The following PLEKHA1 variants were observed in gnomAD, a reference collection of about 807,000 sequenced individuals.
PLEKHA1 encodes the protein pleckstrin homology domain-containing family A member 1.
A neutral mutation model predicts 52.0 loss-of-function variants in PLEKHA1; 34 were observed. The observed-to-expected ratio is 0.65, with a 90% CI of 0.50 to 0.87. The LOEUF is 0.87. PLEKHA1 is among the 40% of genes least tolerant of loss of function. The pLI is 0.00. For missense variants in PLEKHA1, 497 were observed against 504.2 expected (o/e 0.99, Z 0.14); for synonymous variants, 163 against 170.7 (o/e 0.95, Z 0.35).
chr10:122,390,321 A>C (rs2096758636), intron 1 of PLEKHA1, among the ~76,000 whole-genome samples: 1 of 152,226 alleles, frequency 6.6e-6, no homozygotes, highest in African/African-American at 2.4e-5. Flanking sequence ...TGTTTCACTT[A>C]CCATTCTTGT....
chr10:122,436,973 G>A (rs2097440278), downstream of PLEKHA1: 1 of 144,722 alleles, frequency 6.9e-6, no homozygotes, highest in Admixed American at 6.9e-5. Context: ...AACTTTCCAT[G>A]GTCAGGAACT....
At chr10:122,400,453 A>G in intron 4 of PLEKHA1, 65 bp downstream of exon 4, 1 of 1,446,966 alleles carries the variant, frequency 6.9e-7, no homozygotes, top group Non-Finnish European at 9.4e-7. Flanking sequence ...GTAAAAGAAA[A>G]CTGTTGCAGA....
chr10:122,412,422 A>C (rs1590734033), intron 5 of PLEKHA1: 1 of 152,884 alleles, frequency 6.5e-6, no homozygotes, highest in East Asian at 1.9e-4. Context: ...GAAAGACTGA[A>C]TATGCCACAA....
the PLEKHA1 span, chr10:122,439,357 T>G: frequency 3.3e-5 from 5 of 152,262 alleles, no homozygotes; most frequent in East Asian, 7.7e-4. Flanking sequence ...TTTTGTGGTG[T>G]TTTACTAGCT....
chr10:122,437,763 C>G, the PLEKHA1 span: 2 of 152,444 alleles, frequency 1.3e-5, no homozygotes, highest in Non-Finnish European at 2.9e-5. Flanking sequence ...TCAAATTCTG[C>G]TCGCAGGTCA....
chr10:122,428,453 C>T, intron 11 of PLEKHA1: 1 of 1,379,708 alleles, frequency 7.2e-7, no homozygotes, highest in Non-Finnish European at 9.4e-7. Flanking sequence ...TTGCAGTTAT[C>T]ATAACTGATT....
At chr10:122,378,046 C>G (rs2096562220) in intron 1 of PLEKHA1, among the ~76,000 whole-genome samples, 1 of 152,044 alleles carries the variant, frequency 6.6e-6, no homozygotes, top group Non-Finnish European at 1.5e-5. Context: ...GGTTTTTAGC[C>G]CTTTAGGCAG....
At chr10:122,433,192 A>T (rs1181229087), downstream of PLEKHA1, 3 of 152,134 alleles carry the variant, frequency 2.0e-5, no homozygotes, top group Non-Finnish European at 4.4e-5. Flanking sequence ...GGACTACCCT[A>T]TTCCTGTCAT....
At chr10:122,383,324 T>TC (rs1565121475) in intron 1 of PLEKHA1, among the ~76,000 whole-genome samples, 6 of 135,690 alleles carry the variant, frequency 4.4e-5, no homozygotes, top group Non-Finnish European at 1.0e-4. Context: ...TTTTTTTTTT[T>TC]TCTTTTTTTT....
At chr10:122,391,177 G>A (rs181773658) in intron 1 of PLEKHA1, among the ~76,000 whole-genome samples, 499 of 151,306 alleles carry the variant, frequency 3.3e-3, no homozygotes, top group Non-Finnish European at 5.6e-3. Context: ...ATGTATTCTG[G>A]ATACTAGATC....
chr10:122,417,980 C>A lies in PLEKHA1; in HGVS notation c.681+12C>A, dbSNP rs760947533. 1.9e-6 allele frequency: 3 copies of A among 1,590,628 alleles called. No homozygotes were observed. Among genetic ancestry groups the A allele is most frequent in the Non-Finnish European group, 1.7e-6 (2 of 1,159,658 alleles). On this transcript the variant is annotated intron_variant, in intron 8 of 11. Transcript: ENST00000368990. ...TCAAATCTGAACTGGTATGTTGTTA[C>A]GTCATAAATGTTGCTATAAGAATGT...
At chr10:122,376,526 A>G (rs1775870893) in intron 1 of PLEKHA1, among the ~76,000 whole-genome samples, 1 of 124,628 alleles carries the variant, frequency 8.0e-6, no homozygotes, top group Non-Finnish European at 1.7e-5. Context: ...ATATATATAT[A>G]TATATATAAT....
rs770115815 is a variant in PLEKHA1, at chr10:122,400,325, C to A, written c.199-18C>A. The A allele has an allele frequency of 3.1e-6, 5 of 1,591,666 alleles. No individual in the cohort carries two copies. The highest frequency in any genetic ancestry group is 1.2e-5 in the South Asian group (1 of 86,174). ...TTATATGGAGAAGTGAGGAACCCGT[C>A]TCTATTTTTCTTTTTAGGTTAGCGA... On this transcript the variant is annotated intron_variant, in intron 3 of 11. Coordinates refer to ENST00000368990, the MANE Select transcript of PLEKHA1 (RefSeq NM_001001974.4).
In PLEKHA1 at chr10:122,429,950, A is replaced by C; in HGVS notation, c.*12A>C. ...TCAGTGACGTGTGAGGCAGAAGCGCACGGAGCCTGCCTGCCTCTGCCGTCC... is the reference window on the plus strand; with the variant it reads ...TCAGTGACGTGTGAGGCAGAAGCGCCCGGAGCCTGCCTGCCTCTGCCGTCC... On this transcript the variant is annotated 3_prime_UTR_variant, in exon 12 of 12. Transcript: ENST00000368990. 1.3e-6 allele frequency: 2 copies of C among 1,599,002 alleles called. No individual in the cohort carries two copies. The highest frequency in any genetic ancestry group is 1.7e-6 in the Non-Finnish European group (2 of 1,172,100).
In PLEKHA1 at chr10:122,400,347, G is replaced by A. The variant is rs2096910358; in HGVS notation, c.203G>A (p.Ser68Asn). ...CGTCTCTATTTTTCTTTTTAGGTTA[G>A]CGATGCTACTAAGCTAAGGCCAAAG... ...AIKLTYISKV[S>N]DATKLRPKAE... is the part of the protein sequence containing the mutation. Residue 68 changes from serine to asparagine, a missense_variant, in exon 4 of 12, where the codon AGC becomes AAC. Ser to Asn is a conservative substitution (Grantham distance 46). Coordinates refer to ENST00000368990, the MANE Select transcript of PLEKHA1 (RefSeq NM_001001974.4). 3 of 1,604,028 alleles carry A rather than the reference G, an allele frequency of 1.9e-6. No homozygotes were observed. Among genetic ancestry groups the A allele is most frequent in the South Asian group, 1.1e-5 (1 of 88,722 alleles).
At chr10:122,413,685 T>G (rs1285073747) in intron 6 of PLEKHA1, among the ~76,000 whole-genome samples, 1 of 152,136 alleles carries the variant, frequency 6.6e-6, no homozygotes, top group African/African-American at 2.4e-5. Context: ...AATATAAATT[T>G]ACATACAATT....
intron 4 of PLEKHA1, among the ~76,000 whole-genome samples, chr10:122,401,319 T>C (rs2096925674): frequency 6.6e-6 from 1 of 151,478 alleles, no homozygotes; most frequent in Admixed American, 6.6e-5. Flanking sequence ...TGAAGGAGGG[T>C]TTTGTTTGTT....
intron 2 of PLEKHA1, among the ~76,000 whole-genome samples, chr10:122,394,717 G>GACCT (rs2096827505): frequency 6.6e-6 from 1 of 152,020 alleles, no homozygotes; most frequent in South Asian, 2.1e-4. Context: ...AGTTGTAAGG[G>GACCT]ACCTCTCCTC....
At chr10:122,419,754 A>G (rs980423262) in intron 8 of PLEKHA1, 4 of 152,208 alleles carry the variant, frequency 2.6e-5, no homozygotes, top group African/African-American at 7.2e-5. Flanking sequence ...GTCAGTAATT[A>G]TAACTATACT....
Sources: gnomAD v4.1 joint callset for allele counts (sites outside exome capture counted in the v4.1 genomes callset) on GRCh38, gnomAD v4.1.1 for gene constraint, MANE v1.5 for transcripts, NCBI Gene and HGNC (gene_info 2026-07-23, HGNC 2026-07-21) for gene names.